Variants in CHM observed in about 807,000 individuals in gnomAD.
CHM encodes CHM Rab escort protein.
A neutral mutation model predicts 49.0 loss-of-function variants in CHM; 10 were observed. The observed-to-expected ratio is 0.20, with a 90% CI of 0.13 to 0.35. The LOEUF (loss-of-function observed/expected upper bound fraction) is 0.35. Among genes scored for constraint, CHM ranks in the 10% least tolerant of loss-of-function variants. CHM has a pLI of 1.00. For synonymous variants in CHM, 184 were observed against 167.5 expected, an observed-to-expected ratio of 1.10 and a Z score of -0.76; for missense variants, 455 against 478.4, an observed-to-expected ratio of 0.95 and a Z score of 0.46.
At chrX:85,944,951 T>C (rs748005364) in intron 8 of CHM, among the ~76,000 whole-genome samples, 5 of 111,677 alleles carry the variant, frequency 4.5e-5, no homozygotes, top group African/African-American at 6.5e-5. Context: ...TATGCAGCCA[T>C]AAAAAGGAAC....
chrX:85,961,763 C>T (rs1930309267), intron 5 of CHM, among the ~76,000 whole-genome samples: 1 of 111,145 alleles, frequency 9.0e-6, no homozygotes, highest in African/African-American at 3.3e-5. Flanking sequence ...GGACGCAGTC[C>T]CAACTGCCTA....
At chrX:85,959,289 T>C (rs1930169947) in intron 5 of CHM, among the ~76,000 whole-genome samples, 1 of 111,899 alleles carries the variant, frequency 8.9e-6, no homozygotes, top group Non-Finnish European at 1.9e-5. Flanking sequence ...GCAGAAATAA[T>C]GTGTTTAGTT....
At chrX:86,009,369 T>C (rs1031404978) in intron 2 of CHM, among the ~76,000 whole-genome samples, 2 of 112,187 alleles carry the variant, frequency 1.8e-5, no homozygotes, top group South Asian at 3.7e-4. Context: ...ATCCAGAAAG[T>C]ATTTACTGAG....
rs771558828 is a variant in CHM at position 85,970,530 on chromosome X, GAAA to G, written c.315-6481_315-6479del. ...GGAAATAGCACACGTTTTTGAGTTAGAAAAACACAAGTTCAAATTTGGCTCTGC... is the reference window on the plus strand; with the variant it reads ...GGAAATAGCACACGTTTTTGAGTTAGAACACAAGTTCAAATTTGGCTCTGC... On this transcript the variant is annotated intron_variant, in intron 4 of 14. Coordinates refer to ENST00000357749, the MANE Select transcript of CHM (RefSeq NM_000390.4). 1.7e-3 allele frequency: 1,106 copies of G among 668,430 alleles called. 6 individuals carry two copies. The African/African-American group carries it at 0.022, about 13-fold the overall frequency. 55.1% of individuals were successfully genotyped at this position (668,430 alleles called of 1,213,427 possible).
chrX:85,923,200 A>G (rs1927892914), intron 8 of CHM, among the ~76,000 whole-genome samples: 1 of 112,390 alleles, frequency 8.9e-6, no homozygotes, highest in Non-Finnish European at 1.9e-5. Context: ...CAAGACTATA[A>G]AATGGGGATA....
At position 85,873,374 on chromosome X, in the gene CHM, G is replaced by A. The variant is rs914519706; in HGVS notation, c.1610-162C>T. On this transcript the variant is annotated intron_variant, in intron 13 of 14. Coordinates refer to ENST00000357749, the MANE Select transcript of CHM (RefSeq NM_000390.4). The stretch of plus-strand genomic sequence containing the variant: ...AATTTGCATCTACACACTCTATTTT[G>A]ATTAGTAAGTTAATTAGATTTTACT... 4.5e-5 allele frequency among the ~76,000 whole-genome samples: 5 copies of A among 111,527 alleles called. No individual in the cohort carries two copies. In the East Asian group the frequency reaches 1.4e-3, roughly 31 times the overall value.
intron 2 of CHM, among the ~76,000 whole-genome samples, chrX:86,007,368 A>C (rs1256847720): frequency 1.8e-5 from 2 of 112,105 alleles, no homozygotes; most frequent in Non-Finnish European, 3.8e-5. Flanking sequence ...TTCATGTCTA[A>C]AACACCAAAA....
chrX:85,976,554 G>A (rs978401300), intron 4 of CHM, among the ~76,000 whole-genome samples: 14 of 109,417 alleles, frequency 1.3e-4, no homozygotes, highest in Non-Finnish European at 2.3e-4. Flanking sequence ...CCTGGGAGGC[G>A]GAGCTTGCAG....
At chrX:86,022,790 T>C (rs751753277) in intron 2 of CHM, among the ~76,000 whole-genome samples, 1 of 111,298 alleles carries the variant, frequency 9.0e-6, no homozygotes, top group Non-Finnish European at 1.9e-5. Context: ...GGTATGTCAC[T>C]GGTACCTCAA....
chrX:85,932,222 C>T (rs753971564), intron 8 of CHM, among the ~76,000 whole-genome samples: 1 of 111,788 alleles, frequency 8.9e-6, no homozygotes, highest in East Asian at 2.8e-4. Context: ...ACTTCTAAAA[C>T]CTTTCCGAAT....
chrX:85,893,897 T>C (rs1925644325), intron 12 of CHM, among the ~76,000 whole-genome samples: 1 of 111,877 alleles, frequency 8.9e-6, no homozygotes, highest in South Asian at 3.7e-4. Context: ...AAAAAAATGT[T>C]ATGCAACCAG....
chrX:85,867,191 T>C (rs1382471763), intron 14 of CHM, among the ~76,000 whole-genome samples: 3 of 111,648 alleles, frequency 2.7e-5, no homozygotes, highest in Non-Finnish European at 5.6e-5. Context: ...GAATGGATTA[T>C]GGGGGCACTT....
chrX:85,890,848 G>C (rs957746644), intron 12 of CHM, among the ~76,000 whole-genome samples: 1 of 111,797 alleles, frequency 8.9e-6, no homozygotes, highest in Admixed American at 9.5e-5. Context: ...GGAGGGCTCA[G>C]AAGAAGACAG....
intron 2 of CHM, among the ~76,000 whole-genome samples, chrX:86,023,820 A>T (rs1420063094): frequency 8.9e-6 from 1 of 111,748 alleles, no homozygotes; most frequent in Non-Finnish European, 1.9e-5. Context: ...TTAACAAAAA[A>T]AAAAATCATA....
At chrX:85,911,365 T>A (rs760924737) in intron 8 of CHM, 27 bp from the exon 9 acceptor site, 2 of 814,639 alleles carry the variant, frequency 2.5e-6, no homozygotes, top group Admixed American at 5.2e-5. Context: ...AAAATAAGAA[T>A]TAGGGTAATT....
chrX:85,931,088 T>C (rs904756252), intron 8 of CHM, among the ~76,000 whole-genome samples: 55 of 111,632 alleles, frequency 4.9e-4, no homozygotes, highest in African/African-American at 1.6e-3. Flanking sequence ...GACAAGCCTA[T>C]ACAAGCCATT....
chrX:85,935,658 C>T (rs1204970529), intron 8 of CHM, among the ~76,000 whole-genome samples: 5 of 112,182 alleles, frequency 4.5e-5, no homozygotes, highest in Admixed American at 9.4e-5. Context: ...AGTCAAAATA[C>T]AGTAATAGAA....
At chrX:85,876,501 C>T (rs1164002791) in intron 13 of CHM, among the ~76,000 whole-genome samples, 1 of 111,800 alleles carries the variant, frequency 8.9e-6, no homozygotes, top group East Asian at 2.8e-4. Context: ...CCTTCTTCCT[C>T]ATTTAGGCAG....
rs1555958595 is a variant in CHM at position 85,981,206 on chromosome X, C to CTATTTCTATATATATATATATATATATA, written c.189+530_189+531insTATATATATATATATATATATAGAAATA. Among the ~76,000 whole-genome samples the CTATTTCTATATATATATATATATATATA allele has an allele frequency of 2.1e-3, 114 of 54,325 alleles. 2 individuals carry two copies. Among genetic ancestry groups the CTATTTCTATATATATATATATATATATA allele is most frequent in the Non-Finnish European group, 3.0e-3 (80 of 26,704 alleles). The allele number at this position is 54,325 out of a possible 115,157, so 47.2% of individuals were successfully genotyped here. On this transcript the variant is annotated intron_variant, in intron 3 of 14. Transcript: ENST00000357749. ...TACTCTTCAACCAACATTTCTATTT[C>CTATTTCTATATATATATATATATATATA]TATATATATATATAGACACACATAT... is the stretch of plus-strand genomic sequence containing the variant.
Sources: allele counts gnomAD v4.1 joint callset (sites outside exome capture counted in the v4.1 genomes callset), GRCh38; gene constraint gnomAD v4.1.1; transcripts MANE v1.5; gene names NCBI Gene and HGNC (gene_info 2026-07-23, HGNC 2026-07-21).